The following CLNK variants were observed in gnomAD, a reference collection of about 807,000 sequenced individuals.
CLNK encodes the protein cytokine-dependent hematopoietic cell linker.
In CLNK, 74 loss-of-function variants were observed where a neutral mutation model predicts 68.6. The observed-to-expected ratio is 1.08, with a 90% CI of 0.89 to 1.31. The LOEUF (loss-of-function observed/expected upper bound fraction) is 1.31, where lower values mean the gene tolerates loss of function less well. CLNK is among the 50% of genes most tolerant of loss of function. The probability of loss-of-function intolerance (pLI) is 0.00; values close to 1 mark genes in which losing one functional copy is unlikely to be tolerated. For synonymous variants in CLNK, 198 were observed against 172.2 expected, an observed-to-expected ratio of 1.15 and a Z score of -1.17; for missense variants, 553 against 515.3, an observed-to-expected ratio of 1.07 and a Z score of -0.71.
At chr4:10,508,480 C>T (rs1046728009) in intron 16 of CLNK, among the ~76,000 whole-genome samples, 1 of 152,176 alleles carries the variant, frequency 6.6e-6, no homozygotes, top group Non-Finnish European at 1.5e-5. Context: ...GGCACAGATG[C>T]CGCTGAGCTA....
chr4:10,520,555 A>G (rs1316287126), intron 15 of CLNK, among the ~76,000 whole-genome samples: 1 of 152,228 alleles, frequency 6.6e-6, no homozygotes, highest in African/African-American at 2.4e-5. Context: ...GACAACATCT[A>G]TACTAGTGTT....
At chr4:10,714,231 C>T in the CLNK span, among the ~76,000 whole-genome samples, 89 of 152,208 alleles carry the variant, frequency 5.8e-4, no homozygotes, top group African/African-American at 2.0e-3. Flanking sequence ...TAAATAGTAA[C>T]AAACATTTTA....
chr4:10,562,101 C>T (rs199974170), intron 7 of CLNK, among the ~76,000 whole-genome samples: 8 of 129,268 alleles, frequency 6.2e-5, no homozygotes, highest in Non-Finnish European at 9.5e-5. Context: ...TTTTTCTTTT[C>T]TTTTTTTTTT....
chr4:10,540,062 T>C (rs891118940), intron 11 of CLNK, among the ~76,000 whole-genome samples: 15 of 152,198 alleles, frequency 9.9e-5, no homozygotes, highest in Non-Finnish European at 2.2e-4. Flanking sequence ...CCAAAGCTCA[T>C]CTTTAATTGT....
At chr4:10,512,282 G>A (rs1717621966) in intron 16 of CLNK, among the ~76,000 whole-genome samples, 2 of 151,664 alleles carry the variant, frequency 1.3e-5, no homozygotes, top group South Asian at 4.2e-4. Flanking sequence ...CCAGGCTGGA[G>A]TGCAGTAGTG....
In CLNK at chr4:10,486,576, A is replaced by G. The variant is rs940745389; in HGVS notation, c.*3891T>C. The G allele has an allele frequency of 6.6e-6, 1 of 152,186 alleles. No homozygotes were observed. The highest frequency in any genetic ancestry group is 1.5e-5 in the Non-Finnish European group (1 of 68,040). The allele number at this position is 152,186 out of a possible 1,614,324, so 9.4% of individuals were successfully genotyped here. A position where few individuals can be genotyped will look rare whatever the true frequency, so the allele number is the denominator to read the frequency against. On this transcript the variant is annotated 3_prime_UTR_variant, in exon 19 of 19. Coordinates refer to ENST00000226951, the MANE Select transcript of CLNK (RefSeq NM_052964.4). ...TGTACACACATACATAATTGGCTAC[A>G]TTCGACAATGGGGTTCATTTGATTC...
upstream of CLNK, among the ~76,000 whole-genome samples, chr4:10,689,575 G>C (rs1460797127): frequency 6.6e-6 from 1 of 152,090 alleles, no homozygotes; most frequent in Non-Finnish European, 1.5e-5. Context: ...CTGTCAGGCA[G>C]CTGGTCTCAG....
intron 2 of CLNK, among the ~76,000 whole-genome samples, chr4:10,664,647 C>G (rs1347609246): frequency 1.3e-5 from 2 of 152,206 alleles, no homozygotes; most frequent in Non-Finnish European, 2.9e-5. Context: ...AGTATGGATT[C>G]CGACTCAGCA....
chr4:10,594,952 G>C (rs1006379014), intron 3 of CLNK, among the ~76,000 whole-genome samples: 1 of 152,132 alleles, frequency 6.6e-6, no homozygotes, highest in African/African-American at 2.4e-5. Flanking sequence ...AAATTAGCTG[G>C]ATGTGGTGGC....
intron 4 of CLNK, among the ~76,000 whole-genome samples, chr4:10,575,303 C>T (rs909521727): frequency 1.3e-5 from 2 of 152,230 alleles, no homozygotes; most frequent in African/African-American, 4.8e-5. Flanking sequence ...CCAGCACACC[C>T]AGCTCACGCT....
intron 8 of CLNK, among the ~76,000 whole-genome samples, chr4:10,554,873 T>A (rs925839619): frequency 6.6e-6 from 1 of 152,194 alleles, no homozygotes; most frequent in African/African-American, 2.4e-5. Flanking sequence ...TCTGGATGAA[T>A]GGGATGTTCG....
chr4:10,580,930 G>A (rs533640818), intron 4 of CLNK, among the ~76,000 whole-genome samples: 25 of 152,276 alleles, frequency 1.6e-4, no homozygotes, highest in African/African-American at 4.8e-4. Flanking sequence ...TCAAGCCTTC[G>A]CATTCACTCA....
At position 10,566,197 on chromosome 4, in the gene CLNK, T is replaced by G. The variant is rs749618931; in HGVS notation, c.151-47A>C. The G allele has an allele frequency of 5.0e-6, 8 of 1,597,590 alleles. No individual in the cohort carries two copies. In the South Asian group the frequency reaches 6.7e-5, roughly 13 times the overall value. ...AGTGAGTCAAAGGAAGGTACAATGT[T>G]GACAAAGACAGGCTACAGTGCTGGC... On this transcript the variant is annotated intron_variant, in intron 5 of 18. Coordinates refer to ENST00000226951, the MANE Select transcript of CLNK (RefSeq NM_052964.4).
the CLNK span, among the ~76,000 whole-genome samples, chr4:10,710,593 C>T: frequency 1.3e-5 from 2 of 152,146 alleles, no homozygotes; most frequent in African/African-American, 4.8e-5. Flanking sequence ...CAGTTCTTGC[C>T]CCCATTTGAC....
intron 2 of CLNK, among the ~76,000 whole-genome samples, chr4:10,621,428 T>TAA (rs149252692): frequency 6.6e-6 from 1 of 152,340 alleles, no homozygotes; most frequent in Non-Finnish European, 1.5e-5. Context: ...CAAAGAAAAC[T>TAA]AAGTATCATT....
At position 10,684,324 on chromosome 4, in the gene CLNK, T is replaced by A. The variant is rs190597389; in HGVS notation, c.-43+344A>T. On this transcript the variant is annotated intron_variant, in intron 1 of 18. Coordinates refer to ENST00000226951, the MANE Select transcript of CLNK (RefSeq NM_052964.4). ...ATGGAGGCTTTCTTTCTAGAGGGCT[T>A]ACTTAATGAAGGTCAGCCAGGAAAG... Among the ~76,000 whole-genome samples the A allele has an allele frequency of 2.4e-4, 36 of 152,306 alleles. No homozygotes were observed. The East Asian group carries it at 6.0e-3, about 25-fold the overall frequency.
rs144289941 is a variant in CLNK at position 10,651,179 on chromosome 4, C to T, written c.11+16680G>A. Among the ~76,000 whole-genome samples the T allele has an allele frequency of 2.2e-3, 335 of 152,284 alleles. 4 individuals are homozygous for T. The highest frequency in any genetic ancestry group is 7.7e-3 in the African/African-American group (321 of 41,554). The stretch of plus-strand genomic sequence containing the variant: ...TCTAGAACCAGAAATACCATTTGAC[C>T]CAGCAATCCCATGACTGGGTATATA... On this transcript the variant is annotated intron_variant, in intron 2 of 18. Coordinates refer to ENST00000226951, the MANE Select transcript of CLNK (RefSeq NM_052964.4).
chr4:10,562,565 C>T (rs1041219761), intron 7 of CLNK, among the ~76,000 whole-genome samples: 2 of 152,052 alleles, frequency 1.3e-5, no homozygotes, highest in Non-Finnish European at 2.9e-5. Flanking sequence ...ACCACCACAC[C>T]CGGCTAATTT....
chr4:10,631,587 G>A (rs1393793518), intron 2 of CLNK, among the ~76,000 whole-genome samples: 1 of 152,072 alleles, frequency 6.6e-6, no homozygotes, highest in Non-Finnish European at 1.5e-5. Flanking sequence ...TCAGGAACTA[G>A]GGGTAAAGCA....
Sources: allele counts gnomAD v4.1 joint callset (sites outside exome capture counted in the v4.1 genomes callset), GRCh38; gene constraint gnomAD v4.1.1; transcripts MANE v1.5; gene names NCBI Gene and HGNC (gene_info 2026-07-23, HGNC 2026-07-21).